UBE2E2: variants seen among roughly 807,000 people sequenced by gnomAD.
UBE2E2 encodes the protein ubiquitin conjugating enzyme E2 E2.
UBE2E2 carries 6 observed loss-of-function variants against 24.7 expected under a neutral mutation model. The observed-to-expected ratio is 0.24, with a 90% CI of 0.13 to 0.48. The LOEUF (loss-of-function observed/expected upper bound fraction) is 0.48. UBE2E2 is among the 20% of genes least tolerant of loss of function. UBE2E2 has a pLI of 0.99. For synonymous variants in UBE2E2, 104 were observed against 83.6 expected (o/e 1.24, Z -1.33); for missense variants, 169 against 245.0 (o/e 0.69, Z 2.07).
chr3:23,335,563 C>G (rs796088863), intron 3 of UBE2E2, among the ~76,000 whole-genome samples: 8 of 152,278 alleles, frequency 5.3e-5, no homozygotes, highest in African/African-American at 1.9e-4. Flanking sequence ...CATGGTCTTA[C>G]TCTGTCACTC....
intron 3 of UBE2E2, among the ~76,000 whole-genome samples, chr3:23,472,971 T>G (rs1699059425): frequency 6.6e-6 from 1 of 152,136 alleles, no homozygotes. Flanking sequence ...CAAAAGTTTT[T>G]AATCCTTTGA....
intron 5 of UBE2E2, among the ~76,000 whole-genome samples, chr3:23,558,043 C>A (rs932368403): frequency 3.3e-5 from 5 of 152,168 alleles, no homozygotes; most frequent in Non-Finnish European, 7.4e-5. Context: ...GAGTGATATC[C>A]CTTGAAGGTC....
intron 2 of UBE2E2, among the ~76,000 whole-genome samples, chr3:23,215,309 T>C (rs1170975723): frequency 6.6e-6 from 1 of 152,120 alleles, no homozygotes; most frequent in Non-Finnish European, 1.5e-5. Flanking sequence ...CAATAAATTA[T>C]ACATTTATTA....
At chr3:23,414,404 T>C (rs1697574835) in intron 3 of UBE2E2, among the ~76,000 whole-genome samples, 1 of 152,162 alleles carries the variant, frequency 6.6e-6, no homozygotes, top group African/African-American at 2.4e-5. Context: ...AAGAATTGCT[T>C]CCCTTCCCTC....
chr3:23,448,204 G>A (rs909095470), intron 3 of UBE2E2, among the ~76,000 whole-genome samples: 3 of 152,172 alleles, frequency 2.0e-5, no homozygotes, highest in East Asian at 1.9e-4. Context: ...TAGTGACCCC[G>A]TAATCTTTTC....
At chr3:23,270,963 C>A (rs552462662) in intron 3 of UBE2E2, 1 of 456,710 alleles carries the variant, frequency 2.2e-6, no homozygotes, top group African/African-American at 2.0e-5. Context: ...GTTCCTGATT[C>A]GATCTGCTTG....
chr3:23,506,830 G>A (rs1039567123), intron 4 of UBE2E2, among the ~76,000 whole-genome samples: 3 of 151,946 alleles, frequency 2.0e-5, no homozygotes, highest in Non-Finnish European at 2.9e-5. Flanking sequence ...ATGGGGTTTC[G>A]CCATGTTGCC....
intron 3 of UBE2E2, among the ~76,000 whole-genome samples, chr3:23,330,211 A>G (rs1271023496): frequency 6.6e-6 from 1 of 152,240 alleles, no homozygotes; most frequent in African/African-American, 2.4e-5. Context: ...GTTGGTCTGT[A>G]AATATGTACT....
intron 3 of UBE2E2, among the ~76,000 whole-genome samples, chr3:23,221,739 C>T (rs912993726): frequency 2.6e-5 from 4 of 151,980 alleles, no homozygotes; most frequent in South Asian, 2.1e-4. Context: ...TGGATTCAAG[C>T]GATTCTCCTG....
chr3:23,587,273 T>C (rs1553623059), intron 5 of UBE2E2, among the ~76,000 whole-genome samples: 2 of 152,240 alleles, frequency 1.3e-5, no homozygotes, highest in Non-Finnish European at 2.9e-5. Flanking sequence ...TAACAGTTGA[T>C]ATGACACATT....
At chr3:23,337,102 T>TGC (rs1695231233) in intron 3 of UBE2E2, among the ~76,000 whole-genome samples, 4 of 149,682 alleles carry the variant, frequency 2.7e-5, no homozygotes, top group Non-Finnish European at 4.4e-5. Flanking sequence ...ATCATGCTAC[T>TGC]GCACTCCAGC....
At chr3:23,565,839 T>C (rs1696060767) in intron 5 of UBE2E2, among the ~76,000 whole-genome samples, 1 of 152,164 alleles carries the variant, frequency 6.6e-6, no homozygotes, top group African/African-American at 2.4e-5. Flanking sequence ...TTCTGCCACC[T>C]CTTTTCTTTC....
chr3:23,203,642 C>G lies in UBE2E2; in HGVS notation c.-9+178C>G, dbSNP rs1335208569. Among the ~76,000 whole-genome samples the G allele has an allele frequency of 7.8e-5, 11 of 141,380 alleles. 1 individual carries two copies. The highest frequency in any genetic ancestry group is 7.6e-4 in the Admixed American group (11 of 14,420). 92.8% of individuals were successfully genotyped at this position (141,380 alleles called of 152,430 possible). On this transcript the variant is annotated intron_variant, in intron 1 of 5. Coordinates refer to ENST00000396703, the MANE Select transcript of UBE2E2 (RefSeq NM_152653.4). ...GTTCCCTACGCCCCCTCCCGCGAGC[C>G]TCCTGCCCCCGTTTCTCGCCCTTTC...
chr3:23,265,673 C>T (rs1250763389), intron 3 of UBE2E2, among the ~76,000 whole-genome samples: 1 of 152,132 alleles, frequency 6.6e-6, no homozygotes, highest in African/African-American at 2.4e-5. Flanking sequence ...TTCTCTCTCA[C>T]ATAGGAAGCT....
intron 3 of UBE2E2, among the ~76,000 whole-genome samples, chr3:23,272,081 T>A (rs1698258923): frequency 6.6e-6 from 1 of 151,678 alleles, no homozygotes; most frequent in Admixed American, 6.6e-5. Context: ...GAGCAGGGGG[T>A]GATGCCTGTT....
At chr3:23,254,946 A>C (rs1265629487) in intron 3 of UBE2E2, among the ~76,000 whole-genome samples, 2 of 152,022 alleles carry the variant, frequency 1.3e-5, no homozygotes, top group Non-Finnish European at 2.9e-5. Flanking sequence ...TAGTAAGCAT[A>C]TGGCCATGTT....
At chr3:23,465,505 C>T (rs761407788) in intron 3 of UBE2E2, among the ~76,000 whole-genome samples, 1 of 152,206 alleles carries the variant, frequency 6.6e-6, no homozygotes, top group Admixed American at 6.5e-5. Context: ...CTGACAGATT[C>T]ATTACCTGAC....
At chr3:23,494,251 T>G (rs1056845505) in intron 3 of UBE2E2, among the ~76,000 whole-genome samples, 1 of 152,200 alleles carries the variant, frequency 6.6e-6, no homozygotes, top group Non-Finnish European at 1.5e-5. Flanking sequence ...GCCATGTATG[T>G]AATTTTAAAT....
intron 4 of UBE2E2, among the ~76,000 whole-genome samples, chr3:23,512,018 G>A (rs898674840): frequency 7.9e-5 from 12 of 152,004 alleles, no homozygotes; most frequent in Admixed American, 2.6e-4. Flanking sequence ...TATAAGTAAT[G>A]TGATTAGGAT....
Sources: gnomAD v4.1 joint callset for allele counts (sites outside exome capture counted in the v4.1 genomes callset) on GRCh38, gnomAD v4.1.1 for gene constraint, MANE v1.5 for transcripts, NCBI Gene and HGNC (gene_info 2026-07-23, HGNC 2026-07-21) for gene names.